Variants in SLTM observed in about 807,000 individuals in gnomAD.
SLTM encodes SAFB like transcription modulator.
In SLTM, 43 loss-of-function variants were observed where a neutral mutation model predicts 134.6. The ratio of observed to expected loss-of-function variants is 0.32; its 90% CI spans 0.25 to 0.41. The LOEUF (loss-of-function observed/expected upper bound fraction) is 0.41. Among genes scored for constraint, SLTM ranks in the 10% least tolerant of loss-of-function variants. The probability of loss-of-function intolerance (pLI) is 1.00; values close to 1 mark genes in which losing one functional copy is unlikely to be tolerated. For synonymous variants in SLTM, 424 were observed against 432.3 expected, an observed-to-expected ratio of 0.98 and a Z score of 0.24; for missense variants, 1,055 against 1,288.8, an observed-to-expected ratio of 0.82 and a Z score of 2.78.
At chr15:58,916,798 A>T in intron 3 of SLTM, 137 bp downstream of exon 3, 1 of 604,280 alleles carries the variant, frequency 1.7e-6, no homozygotes, top group Non-Finnish European at 2.9e-6. Context: ...ACAATATTAA[A>T]CGTTGTCAAT....
intron 5 of SLTM, among the ~76,000 whole-genome samples, chr15:58,902,284 C>T (rs183212003): frequency 6.6e-6 from 1 of 152,114 alleles, no homozygotes; most frequent in Admixed American, 6.5e-5. Flanking sequence ...GATGCTCAGG[C>T]GGTCTCGAAC....
intron 17 of SLTM, 174 bp from the exon 18 acceptor site, chr15:58,887,714 T>C (rs2034333551): frequency 1.2e-6 from 1 of 830,042 alleles, no homozygotes; most frequent in African/African-American, 1.8e-5. Flanking sequence ...TAAACTGAAC[T>C]AAGTGTCTAG....
intron 20 of SLTM, among the ~76,000 whole-genome samples, chr15:58,881,252 G>C (rs1406089127): frequency 6.6e-6 from 1 of 152,102 alleles, no homozygotes; most frequent in African/African-American, 2.4e-5. Flanking sequence ...GGCCGGGTGT[G>C]GTGGTTCACA....
intron 6 of SLTM, 176 bp downstream of exon 6, chr15:58,901,084 A>C (rs1438576763): frequency 2.0e-5 from 12 of 603,616 alleles, no homozygotes; most frequent in South Asian, 1.4e-4. Context: ...TTTAGTGTTC[A>C]AAAGAAAATT....
At chr15:58,884,498 T>C (rs2034019856) in intron 19 of SLTM, among the ~76,000 whole-genome samples, 1 of 152,100 alleles carries the variant, frequency 6.6e-6, no homozygotes, top group Non-Finnish European at 1.5e-5. Flanking sequence ...TTTGTATTTT[T>C]AGTGGAGACG....
chr15:58,910,555 T>A (rs929454248), intron 5 of SLTM, among the ~76,000 whole-genome samples: 3 of 152,194 alleles, frequency 2.0e-5, no homozygotes, highest in Non-Finnish European at 4.4e-5. Context: ...AAGTTTATTA[T>A]TTAAGTGGGG....
chr15:58,912,074 G>A (rs1376532205), intron 5 of SLTM, among the ~76,000 whole-genome samples: 1 of 151,398 alleles, frequency 6.6e-6, no homozygotes, highest in African/African-American at 2.4e-5. Context: ...TTATTTTTCT[G>A]GCAACAAAAA....
intron 4 of SLTM, chr15:58,912,880 C>A: frequency 2.7e-6 from 1 of 371,152 alleles, no homozygotes; most frequent in African/African-American, 2.0e-5. Context: ...ATACTAACAG[C>A]ACTGACTCCT....
chr15:58,929,084 A>G (rs1254993164), intron 2 of SLTM, among the ~76,000 whole-genome samples: 12 of 152,228 alleles, frequency 7.9e-5, no homozygotes, highest in African/African-American at 2.9e-4. Flanking sequence ...TGGCATAACC[A>G]AGATGAAATT....
intron 5 of SLTM, among the ~76,000 whole-genome samples, chr15:58,902,854 G>A (rs2035585280): frequency 6.6e-6 from 1 of 151,898 alleles, no homozygotes; most frequent in African/African-American, 2.4e-5. Context: ...CTCCCAAGGA[G>A]CTAGGATTAC....
rs747030571 is a variant in SLTM at position 58,916,911 on chromosome 15, T to A, written c.315+24A>T. 2.5e-6 allele frequency: 4 copies of A among 1,606,578 alleles called. No homozygotes were observed. The African/African-American group carries it at 5.3e-5, about 21-fold the overall frequency. On this transcript the variant is annotated intron_variant, in intron 3 of 20. Coordinates refer to ENST00000380516, the MANE Select transcript of SLTM (RefSeq NM_024755.4). Reference sequence around the variant, plus strand: ...AATACTAGGCTTAAAATAAGCATCTTAACCTGAGTAATTAACACTTTACCT... The same window carrying A: ...AATACTAGGCTTAAAATAAGCATCTAAACCTGAGTAATTAACACTTTACCT...
intron 17 of SLTM, 22 bp from the exon 18 acceptor site, chr15:58,887,562 T>C: frequency 6.3e-7 from 1 of 1,589,182 alleles, no homozygotes; most frequent in Non-Finnish European, 8.5e-7. Context: ...AAACAAAGAA[T>C]ATAGGTCCAA....
rs770561054 is a variant in SLTM at position 58,894,191 on chromosome 15, T to A, written c.1380A>T (p.Val460=). Residue 460 remains valine (V), a splice_region_variant and synonymous_variant, in exon 11 of 21, where the codon GTA becomes GTT. Coordinates refer to ENST00000380516, the MANE Select transcript of SLTM (RefSeq NM_024755.4). The stretch of plus-strand genomic sequence containing the variant: ...TTTCTTTCTTAGAGGGATCACCTTT[T>A]ACCTGAAAGGTTCGAACCAGAAAAA... ...LHGQLISVEK[V]KGDPSKKEMK... The A allele has an allele frequency of 1.8e-5, 29 of 1,597,422 alleles. No individual in the cohort carries two copies. The Admixed American group carries it at 3.9e-4, about 22-fold the overall frequency.
intron 2 of SLTM, chr15:58,921,381 TCTC>T (rs1446030102): frequency 6.2e-6 from 1 of 161,988 alleles, no homozygotes; most frequent in Non-Finnish European, 1.4e-5. Context: ...TAAAATATTA[TCTC>T]TTTTAGTGTA....
chr15:58,881,756 A>G (rs79927104), intron 20 of SLTM, among the ~76,000 whole-genome samples: 10,253 of 152,174 alleles, frequency 0.067, 357 homozygotes, highest in African/African-American at 0.08. Flanking sequence ...AATAAGGGAT[A>G]GCTATGATAA....
chr15:58,884,217 G>A (rs1435994356), intron 19 of SLTM, among the ~76,000 whole-genome samples: 1 of 152,188 alleles, frequency 6.6e-6, no homozygotes, highest in African/African-American at 2.4e-5. Flanking sequence ...ATAAAAGGAT[G>A]AGTAGTGCAG....
At chr15:58,915,104 T>C (rs1187356834) in intron 3 of SLTM, among the ~76,000 whole-genome samples, 1 of 152,008 alleles carries the variant, frequency 6.6e-6, no homozygotes, top group Non-Finnish European at 1.5e-5. Flanking sequence ...GGCAGGAGAC[T>C]CTCTTGAACC....
At chr15:58,922,944 G>A (rs1179234282) in intron 2 of SLTM, among the ~76,000 whole-genome samples, 1 of 152,022 alleles carries the variant, frequency 6.6e-6, no homozygotes, top group Non-Finnish European at 1.5e-5. Context: ...TCGAACTCCT[G>A]ACCTCTAGTG....
At chr15:58,892,860 T>C (rs2034773450) in intron 14 of SLTM, 37 bp downstream of exon 14, 2 of 1,584,856 alleles carry the variant, frequency 1.3e-6, no homozygotes, top group South Asian at 1.2e-5. Flanking sequence ...TATTTACCTA[T>C]ATTTAAAGAC....
Sources: allele counts gnomAD v4.1 joint callset (sites outside exome capture counted in the v4.1 genomes callset), GRCh38; gene constraint gnomAD v4.1.1; transcripts MANE v1.5; gene names NCBI Gene and HGNC (gene_info 2026-07-23, HGNC 2026-07-21).